The following AMPH variants were observed in gnomAD, a reference collection of about 807,000 sequenced individuals.
AMPH encodes amphiphysin.
A neutral mutation model predicts 99.1 loss-of-function variants in AMPH; 49 were observed. The ratio of observed to expected loss-of-function variants is 0.49; its 90% CI spans 0.39 to 0.63. AMPH has a LOEUF of 0.63. Ranked by LOEUF, AMPH falls within the 20% of genes least tolerant of loss-of-function variation. The probability of loss-of-function intolerance (pLI) is 0.00; values close to 1 mark genes in which losing one functional copy is unlikely to be tolerated. For synonymous variants in AMPH, 314 were observed against 317.3 expected (o/e 0.99, Z 0.11); for missense variants, 759 against 863.4 (o/e 0.88, Z 1.52).
chr7:38,572,490 T>C (rs1392294770), intron 1 of AMPH, among the ~76,000 whole-genome samples: 1 of 152,156 alleles, frequency 6.6e-6, no homozygotes, highest in Admixed American at 6.5e-5. Context: ...CACACGACTG[T>C]ACAGGGGATG....
At chr7:38,548,903 T>C (rs1020594428) in intron 1 of AMPH, among the ~76,000 whole-genome samples, 8 of 152,204 alleles carry the variant, frequency 5.3e-5, no homozygotes, top group Non-Finnish European at 7.3e-5. Flanking sequence ...CAGTGCCATG[T>C]TGTCTGCTTT....
At chr7:38,579,318 T>C (rs1792360927) in intron 1 of AMPH, among the ~76,000 whole-genome samples, 1 of 152,178 alleles carries the variant, frequency 6.6e-6, no homozygotes, top group Admixed American at 6.5e-5. Flanking sequence ...TCCACTGGGA[T>C]GTTGGTCCAG....
At chr7:38,625,241 A>G (rs1794204468) in intron 1 of AMPH, among the ~76,000 whole-genome samples, 1 of 152,208 alleles carries the variant, frequency 6.6e-6, no homozygotes, top group Admixed American at 6.5e-5. Flanking sequence ...TTACCACAAA[A>G]GGGCAGAGGC....
intron 2 of AMPH, among the ~76,000 whole-genome samples, chr7:38,524,246 C>A (rs1239587646): frequency 6.6e-6 from 1 of 152,144 alleles, no homozygotes; most frequent in Non-Finnish European, 1.5e-5. Flanking sequence ...TCAGAAGTGT[C>A]AAGATCATGA....
intron 1 of AMPH, among the ~76,000 whole-genome samples, chr7:38,541,010 C>A (rs1039477190): frequency 1.1e-5 from 1 of 92,854 alleles, no homozygotes; most frequent in African/African-American, 4.3e-5. Flanking sequence ...TTCACACTTT[C>A]TGTTCTTAAA....
chr7:38,612,084 C>CTTTTTTTTTTTTTTTTTTTTTT (rs777855014), intron 1 of AMPH, among the ~76,000 whole-genome samples: 1 of 90,860 alleles, frequency 1.1e-5, no homozygotes, highest in Non-Finnish European at 2.1e-5. Flanking sequence ...TTTTTGTCTT[C>CTTTTTTTTTTTTTTTTTTTTTT]TTCTTTTTTT....
At chr7:38,559,077 G>A (rs750238857) in intron 1 of AMPH, among the ~76,000 whole-genome samples, 5 of 152,296 alleles carry the variant, frequency 3.3e-5, no homozygotes, top group African/African-American at 4.8e-5. Flanking sequence ...CCATGTTCAC[G>A]TTGTCAAACT....
intron 2 of AMPH, among the ~76,000 whole-genome samples, chr7:38,514,537 G>A (rs1281718617): frequency 6.6e-6 from 1 of 152,186 alleles, no homozygotes; most frequent in African/African-American, 2.4e-5. Context: ...GTGTTGAGAG[G>A]TAGGATTTTT....
chr7:38,483,031 G>A (rs1404853662), intron 5 of AMPH, among the ~76,000 whole-genome samples: 1 of 152,050 alleles, frequency 6.6e-6, no homozygotes, highest in African/African-American at 2.4e-5. Context: ...CAGGAAAAGG[G>A]GAGCTACATT....
rs182450230 is a variant in AMPH at position 38,483,403 on chromosome 7, A to G, written c.397-6434T>C. ...CAGCCCCTCCCCTCAACTGAGGGAT[A>G]AAACAAACAAACAGTAAAAAACACC... On this transcript the variant is annotated intron_variant, in intron 5 of 20. Coordinates refer to ENST00000356264, the MANE Select transcript of AMPH (RefSeq NM_001635.4). 2.0e-5 allele frequency among the ~76,000 whole-genome samples: 3 copies of G among 152,284 alleles called. No individual in the cohort carries two copies. In the East Asian group the frequency reaches 5.8e-4, roughly 29 times the overall value.
chr7:38,620,130 T>G (rs181563969), intron 1 of AMPH, among the ~76,000 whole-genome samples: 141 of 152,226 alleles, frequency 9.3e-4, no homozygotes, highest in African/African-American at 3.1e-3. Flanking sequence ...TTAGGATTCC[T>G]TCCAAGCTGC....
At chr7:38,527,920 T>G (rs992108742) in intron 2 of AMPH, among the ~76,000 whole-genome samples, 3 of 152,196 alleles carry the variant, frequency 2.0e-5, no homozygotes, top group Non-Finnish European at 2.9e-5. Context: ...GTAATTCTCT[T>G]CTATTCGTAA....
chr7:38,601,186 G>C (rs970741470), intron 1 of AMPH, among the ~76,000 whole-genome samples: 4 of 152,160 alleles, frequency 2.6e-5, no homozygotes, highest in Non-Finnish European at 5.9e-5. Context: ...AGAATGTCCA[G>C]GCATCCAAAT....
intron 1 of AMPH, among the ~76,000 whole-genome samples, chr7:38,606,566 C>CTTTTTT (rs56934636): frequency 5.1e-5 from 5 of 97,272 alleles, no homozygotes; most frequent in Admixed American, 1.3e-4. Context: ...ACGTCATTCT[C>CTTTTTT]TTTTTTTTTT....
intron 1 of AMPH, among the ~76,000 whole-genome samples, chr7:38,618,483 G>A (rs1793949382): frequency 6.6e-6 from 1 of 151,992 alleles, no homozygotes; most frequent in East Asian, 1.9e-4. Flanking sequence ...CTGCACTCTA[G>A]CCTGGGTGAC....
At chr7:38,607,315 A>G (rs1430789059) in intron 1 of AMPH, among the ~76,000 whole-genome samples, 1 of 152,238 alleles carries the variant, frequency 6.6e-6, no homozygotes, top group Non-Finnish European at 1.5e-5. Context: ...CAGCACTTCA[A>G]ATCACCTCAT....
At chr7:38,627,861 A>G (rs1794313520) in intron 1 of AMPH, among the ~76,000 whole-genome samples, 1 of 152,174 alleles carries the variant, frequency 6.6e-6, no homozygotes, top group Non-Finnish European at 1.5e-5. Context: ...ATTATTAGCA[A>G]TTAAATTCCT....
chr7:38,472,216 G>A (rs1431270847), intron 7 of AMPH, among the ~76,000 whole-genome samples: 1 of 152,094 alleles, frequency 6.6e-6, no homozygotes, highest in Non-Finnish European at 1.5e-5. Context: ...CCAGTATTAT[G>A]CATTTCCTCA....
At chr7:38,395,548 T>A (rs545488671) in intron 17 of AMPH, among the ~76,000 whole-genome samples, 1 of 152,226 alleles carries the variant, frequency 6.6e-6, no homozygotes, top group South Asian at 2.1e-4. Flanking sequence ...TCTGACAACA[T>A]CAGCTTGGCA....
Sources: gnomAD v4.1 joint callset for allele counts (sites outside exome capture counted in the v4.1 genomes callset) on GRCh38, gnomAD v4.1.1 for gene constraint, MANE v1.5 for transcripts, NCBI Gene and HGNC (gene_info 2026-07-23, HGNC 2026-07-21) for gene names.